Variants in ZFHX3 observed in about 807,000 individuals in gnomAD.
ZFHX3 encodes zinc finger homeobox 3.
ZFHX3 carries 42 observed loss-of-function variants against 279.1 expected under a neutral mutation model. The ratio of observed to expected loss-of-function variants is 0.15; its 90% CI spans 0.12 to 0.19. The LOEUF (loss-of-function observed/expected upper bound fraction) is 0.19, where lower values mean the gene tolerates loss of function less well. ZFHX3 is among the 10% of genes least tolerant of loss of function. The pLI, the probability that ZFHX3 is intolerant of heterozygous loss-of-function variation, is 1.00. For missense variants in ZFHX3, 4,981 were observed against 4,754.0 expected, an observed-to-expected ratio of 1.05 and a Z score of -1.40; for synonymous variants, 2,293 against 1,957.8, an observed-to-expected ratio of 1.17 and a Z score of -4.52.
At chr16:72,904,693 A>G (rs936185369) in intron 3 of ZFHX3, among the ~76,000 whole-genome samples, 1 of 152,056 alleles carries the variant, frequency 6.6e-6, no homozygotes, top group Non-Finnish European at 1.5e-5. Flanking sequence ...AATGCCTCAC[A>G]TCTCCTACGG....
chr16:73,131,507 G>A (rs747276239), intron 6 of ZFHX3, among the ~76,000 whole-genome samples: 3 of 152,204 alleles, frequency 2.0e-5, no homozygotes. Flanking sequence ...AGCTAAGTCA[G>A]ACAGGGTACT....
chr16:73,538,366 A>G, intron 2 of ZFHX3, among the ~76,000 whole-genome samples: 1 of 152,200 alleles, frequency 6.6e-6, no homozygotes, highest in Admixed American at 6.5e-5. Context: ...AAAATAAAAA[A>G]AAGTCACCCT....
chr16:73,467,528 A>G (rs1272323923), intron 2 of ZFHX3, among the ~76,000 whole-genome samples: 2 of 152,246 alleles, frequency 1.3e-5, no homozygotes, highest in East Asian at 3.8e-4. Flanking sequence ...ACCTTGAAAT[A>G]CAATAAAAAT....
intron 5 of ZFHX3, among the ~76,000 whole-genome samples, chr16:73,151,362 G>C (rs1426314015): frequency 6.6e-6 from 1 of 152,136 alleles, no homozygotes; most frequent in South Asian, 2.1e-4. Flanking sequence ...GGTGTGTGGG[G>C]GTTGGAGAAG....
intron 1 of ZFHX3, among the ~76,000 whole-genome samples, chr16:73,846,755 AAGGTCCTGGTAT>A (rs1432502250): frequency 6.6e-6 from 1 of 152,134 alleles, no homozygotes; most frequent in Non-Finnish European, 1.5e-5. Context: ...GTTGGTGGAA[AAGGTCCTGGTAT>A]AGGACACTTT....
intron 7 of ZFHX3, among the ~76,000 whole-genome samples, chr16:72,804,129 T>C (rs1186144303): frequency 6.6e-6 from 1 of 152,234 alleles, no homozygotes; most frequent in Non-Finnish European, 1.5e-5. Context: ...CCAGTTTAAG[T>C]AATTTTCATA....
In ZFHX3 at chr16:73,418,153, C is replaced by T. The variant is rs576326694; in HGVS notation, c.-1291+37850G>A. Among the ~76,000 whole-genome samples the T allele has an allele frequency of 3.9e-5, 6 of 152,318 alleles. No homozygotes were observed. In the South Asian group the frequency reaches 1.2e-3, roughly 32 times the overall value. On this transcript the variant is annotated intron_variant, in intron 3 of 17. Coordinates refer to the ZFHX3 transcript ENST00000641206. ...AGGCCACTGGGAACTCGCTATTTCCCTTTTGGGTTAATCAGAACTTGTACG... is the reference window on the plus strand; with the variant it reads ...AGGCCACTGGGAACTCGCTATTTCCTTTTTGGGTTAATCAGAACTTGTACG...
intron 5 of ZFHX3, among the ~76,000 whole-genome samples, chr16:73,222,303 G>A (rs922009818): frequency 6.6e-6 from 1 of 151,896 alleles, no homozygotes; most frequent in African/African-American, 2.4e-5. Flanking sequence ...AGATGATATC[G>A]TCTATGTAGG....
At chr16:72,991,435 C>T (rs1330572425) in intron 1 of ZFHX3, among the ~76,000 whole-genome samples, 1 of 152,124 alleles carries the variant, frequency 6.6e-6, no homozygotes, top group African/African-American at 2.4e-5. Context: ...GGCATCCCAG[C>T]GCAGAGGCCA....
At chr16:73,401,371 A>AACACCACACACACACACAC (rs2017249739) in intron 3 of ZFHX3, 1 of 120,848 alleles carries the variant, frequency 8.3e-6, no homozygotes, top group African/African-American at 3.2e-5. Context: ...CAAAAAACAA[A>AACACCACACACACACACAC]ACACACACAC....
At chr16:73,646,982 T>A (rs535886694) in intron 2 of ZFHX3, among the ~76,000 whole-genome samples, 5 of 150,936 alleles carry the variant, frequency 3.3e-5, no homozygotes, top group Non-Finnish European at 7.4e-5. Flanking sequence ...TCAGGCGAAT[T>A]AGGACAAATG....
At chr16:73,361,888 T>A (rs1233518267) in intron 3 of ZFHX3, among the ~76,000 whole-genome samples, 3 of 152,180 alleles carry the variant, frequency 2.0e-5, no homozygotes, top group Admixed American at 2.0e-4. Context: ...TAGGAGGGAT[T>A]TCTCTTCTTC....
At chr16:73,469,829 C>T (rs1347304750) in intron 2 of ZFHX3, among the ~76,000 whole-genome samples, 1 of 152,008 alleles carries the variant, frequency 6.6e-6, no homozygotes, top group Non-Finnish European at 1.5e-5. Context: ...TCTTGGTCAG[C>T]CTGGTCTCGA....
At chr16:73,835,030 C>T (rs1567425325) in intron 1 of ZFHX3, among the ~76,000 whole-genome samples, 1 of 152,120 alleles carries the variant, frequency 6.6e-6, no homozygotes, top group Non-Finnish European at 1.5e-5. Flanking sequence ...AGGAAGGTGG[C>T]CCTCGGAAGT....
At chr16:73,284,460 T>C (rs2014542692) in intron 4 of ZFHX3, among the ~76,000 whole-genome samples, 1 of 152,084 alleles carries the variant, frequency 6.6e-6, no homozygotes, top group African/African-American at 2.4e-5. Flanking sequence ...TGTATTATTA[T>C]AAACTAAAAC....
At chr16:73,787,036 C>A (rs75205241) in intron 1 of ZFHX3, among the ~76,000 whole-genome samples, 1 of 152,248 alleles carries the variant, frequency 6.6e-6, no homozygotes, top group African/African-American at 2.4e-5. Context: ...TTCTTTTGTG[C>A]CATAATTTCC....
At chr16:72,989,202 G>C (rs1410899669) in intron 1 of ZFHX3, among the ~76,000 whole-genome samples, 1 of 151,166 alleles carries the variant, frequency 6.6e-6, no homozygotes, top group Non-Finnish European at 1.5e-5. Context: ...AATTAAAACA[G>C]AGCCAGGTGC....
chr16:72,879,283 T>C (rs946277241), intron 4 of ZFHX3, among the ~76,000 whole-genome samples: 15 of 152,304 alleles, frequency 9.8e-5, no homozygotes, highest in Admixed American at 2.6e-4. Flanking sequence ...TGGCCCCCTA[T>C]TGAATTCTAT....
intron 3 of ZFHX3, among the ~76,000 whole-genome samples, chr16:73,353,308 C>T (rs1313068131): frequency 6.6e-6 from 1 of 152,170 alleles, no homozygotes; most frequent in Non-Finnish European, 1.5e-5. Flanking sequence ...TCCCCCTGGC[C>T]AGAGTGGAGC....
Sources: gnomAD v4.1 joint callset for allele counts (sites outside exome capture counted in the v4.1 genomes callset) on GRCh38, gnomAD v4.1.1 for gene constraint, MANE v1.5 for transcripts, NCBI Gene and HGNC (gene_info 2026-07-23, HGNC 2026-07-21) for gene names.